LRRIQ1: variants seen among roughly 807,000 people sequenced by gnomAD.
The protein encoded by LRRIQ1 is leucine-rich repeat- and IQ domain-containing protein 1.
LRRIQ1 carries 210 observed loss-of-function variants against 211.9 expected under a neutral mutation model. The ratio of observed to expected loss-of-function variants is 0.99; its 90% CI spans 0.89 to 1.11. The LOEUF is 1.11. Among genes scored for constraint, LRRIQ1 ranks in the 50% most tolerant of loss-of-function variants. The probability of loss-of-function intolerance (pLI) is 0.00; values close to 1 mark genes in which losing one functional copy is unlikely to be tolerated. For missense variants in LRRIQ1, 2,136 were observed against 1,939.5 expected (o/e 1.10, Z -1.90); for synonymous variants, 699 against 650.1 (o/e 1.08, Z -1.14).
At chr12:85,132,781 A>G (rs1888863081) in intron 18 of LRRIQ1, among the ~76,000 whole-genome samples, 1 of 151,812 alleles carries the variant, frequency 6.6e-6, no homozygotes, top group South Asian at 2.1e-4. Context: ...AAAAATAAAT[A>G]AATAAAATAA....
chr12:85,212,311 CAAGAAAAGAA>C (rs916858426), intron 24 of LRRIQ1, among the ~76,000 whole-genome samples: 6 of 151,076 alleles, frequency 4.0e-5, no homozygotes, highest in African/African-American at 1.2e-4. Flanking sequence ...AAAAACACCA[CAAGAAAAGAA>C]AAGAAAAGAA....
intron 24 of LRRIQ1, among the ~76,000 whole-genome samples, chr12:85,197,014 G>T (rs1203082452): frequency 6.6e-6 from 1 of 150,728 alleles, no homozygotes; most frequent in Non-Finnish European, 1.5e-5. Flanking sequence ...AAAAGTGGGC[G>T]AAGGACATGA....
intron 24 of LRRIQ1, among the ~76,000 whole-genome samples, chr12:85,196,700 A>G (rs1251452393): frequency 1.5e-4 from 23 of 152,160 alleles, no homozygotes; most frequent in African/African-American, 4.3e-4. Context: ...AGACTTAAAC[A>G]TTAGACCTAA....
At chr12:85,037,191 A>G (rs1280361158) in intron 1 of LRRIQ1, among the ~76,000 whole-genome samples, 3 of 152,080 alleles carry the variant, frequency 2.0e-5, no homozygotes, top group Admixed American at 1.3e-4. Flanking sequence ...TTGTTTTTAA[A>G]AAGTTGCTAA....
At chr12:85,085,078 A>T (rs1884680444) in intron 11 of LRRIQ1, among the ~76,000 whole-genome samples, 2 of 152,180 alleles carry the variant, frequency 1.3e-5, no homozygotes, top group Admixed American at 1.3e-4. Context: ...CAGATAATTT[A>T]CTAAGATGAG....
intron 14 of LRRIQ1, among the ~76,000 whole-genome samples, chr12:85,105,434 G>A (rs949973470): frequency 6.6e-6 from 1 of 152,110 alleles, no homozygotes; most frequent in Non-Finnish European, 1.5e-5. Flanking sequence ...CACACTGGTT[G>A]AATAACCTTT....
rs1286307205 is a variant in LRRIQ1 at position 85,056,427 on chromosome 12, T to G, written c.1634T>G (p.Ile545Arg). 5 of 1,593,678 alleles carry G rather than the reference T, an allele frequency of 3.1e-6. No homozygotes were observed. Among genetic ancestry groups the G allele is most frequent in the Non-Finnish European group, 4.3e-6 (5 of 1,174,804 alleles). ...GAAGAAAAAATCATGAAACATGTCA[T>G]AAATGAGAATACAGGACAAAAAACC... ...QKEEKIMKHV[I>R]NENTGQKTQI... The change falls in exon 8 of 27, where the codon ATA becomes AGA. Residue 545 changes from isoleucine (I) to arginine (R), a missense_variant. Physicochemically the swap from Ile to Arg is moderately conservative, Grantham distance 97. Transcript: ENST00000393217.
chr12:85,044,353 G>A (rs570664271), intron 3 of LRRIQ1, among the ~76,000 whole-genome samples: 2 of 151,862 alleles, frequency 1.3e-5, no homozygotes, highest in African/African-American at 4.8e-5. Flanking sequence ...AATATCTTGT[G>A]CAAGGTCATG....
intron 24 of LRRIQ1, among the ~76,000 whole-genome samples, chr12:85,174,376 T>A (rs951081581): frequency 1.3e-5 from 2 of 151,660 alleles, no homozygotes; most frequent in African/African-American, 4.8e-5. Flanking sequence ...GAGACTCAGT[T>A]CAGGAGGTCC....
intron 15 of LRRIQ1, among the ~76,000 whole-genome samples, chr12:85,113,907 TTGTGTGTGTGTG>T (rs71076112): frequency 7.1e-5 from 10 of 140,866 alleles, no homozygotes; most frequent in South Asian, 2.3e-4. Flanking sequence ...CAAATGAGTT[TTGTGTGTGTGTG>T]TGTGTGTGTG....
intron 24 of LRRIQ1, among the ~76,000 whole-genome samples, chr12:85,170,668 A>C (rs1891374313): frequency 6.6e-6 from 1 of 151,964 alleles, no homozygotes; most frequent in Admixed American, 6.6e-5. Context: ...TTTGTTAAAA[A>C]AAAAGAGGAC....
intron 24 of LRRIQ1, among the ~76,000 whole-genome samples, chr12:85,209,740 A>T (rs771203040): frequency 6.6e-6 from 1 of 151,994 alleles, no homozygotes; most frequent in Non-Finnish European, 1.5e-5. Context: ...ATGAGATGCT[A>T]TTTCTTGAGC....
chr12:85,203,567 C>T (rs1034943584), intron 24 of LRRIQ1, among the ~76,000 whole-genome samples: 6 of 151,984 alleles, frequency 3.9e-5, no homozygotes, highest in African/African-American at 1.5e-4. Context: ...ATAATAAGGT[C>T]CAGTCTGAGG....
At position 85,039,705 on chromosome 12, in the gene LRRIQ1, T is replaced by C. The variant is rs139985383; in HGVS notation, c.133-785T>C. Reference sequence around the variant, plus strand: ...CAGACAATATTTGTTTTTAGTTAAATAAAAGCAGGTGCATATCATGTTCTT... The same window carrying C: ...CAGACAATATTTGTTTTTAGTTAAACAAAAGCAGGTGCATATCATGTTCTT... On this transcript the variant is annotated intron_variant, in intron 2 of 26. Coordinates refer to ENST00000393217, the MANE Select transcript of LRRIQ1 (RefSeq NM_001079910.2). Among the ~76,000 whole-genome samples, 975 of 151,700 alleles carry C rather than the reference T, an allele frequency of 6.4e-3. 7 individuals are homozygous for C. Among genetic ancestry groups the C allele is most frequent in the African/African-American group, 0.022 (908 of 41,528 alleles).
intron 26 of LRRIQ1, among the ~76,000 whole-genome samples, chr12:85,243,116 T>TG (rs1019994538): frequency 2.0e-5 from 3 of 151,018 alleles, no homozygotes; most frequent in African/African-American, 7.3e-5. Flanking sequence ...GGGTCCCTTA[T>TG]GTGGTTCACA....
chr12:85,039,009 T>A (rs1878533044), intron 2 of LRRIQ1, among the ~76,000 whole-genome samples: 1 of 151,238 alleles, frequency 6.6e-6, no homozygotes, highest in African/African-American at 2.4e-5. Context: ...AAAAAGAAAA[T>A]TTTTTAAAGA....
At chr12:85,088,134 G>A (rs1885015386) in intron 11 of LRRIQ1, among the ~76,000 whole-genome samples, 1 of 152,138 alleles carries the variant, frequency 6.6e-6, no homozygotes, top group South Asian at 2.1e-4. Flanking sequence ...AAGGTGTGAG[G>A]AAGGGATCCA....
intron 6 of LRRIQ1, among the ~76,000 whole-genome samples, chr12:85,050,779 A>G (rs1206277835): frequency 6.6e-6 from 1 of 152,154 alleles, no homozygotes; most frequent in African/African-American, 2.4e-5. Context: ...CGTTACTTCC[A>G]TGCTTAAACC....
intron 24 of LRRIQ1, among the ~76,000 whole-genome samples, chr12:85,203,720 T>A (rs1324623392): frequency 6.6e-6 from 1 of 152,120 alleles, no homozygotes; most frequent in Non-Finnish European, 1.5e-5. Flanking sequence ...ATTTAGGGTA[T>A]CTGGTGGAAG....
Sources: allele counts gnomAD v4.1 joint callset (sites outside exome capture counted in the v4.1 genomes callset), GRCh38; gene constraint gnomAD v4.1.1; transcripts MANE v1.5; gene names NCBI Gene and HGNC (gene_info 2026-07-23, HGNC 2026-07-21).